GPC5: variants seen among roughly 807,000 people sequenced by gnomAD.
The protein encoded by GPC5 is glypican 5, also known as glypican-5.
In GPC5, 47 loss-of-function variants were observed where a neutral mutation model predicts 53.9. The observed-to-expected ratio is 0.87, with a 90% CI of 0.69 to 1.11. GPC5 has a LOEUF of 1.11. Among genes scored for constraint, GPC5 ranks in the 50% most tolerant of loss-of-function variants. The probability of loss-of-function intolerance (pLI) is 0.00; values close to 1 mark genes in which losing one functional copy is unlikely to be tolerated. For missense variants in GPC5, 748 were observed against 713.1 expected (o/e 1.05, Z -0.56); for synonymous variants, 286 against 263.3 (o/e 1.09, Z -0.84).
At chr13:92,642,829 C>CA (rs1885637706) in intron 7 of GPC5, among the ~76,000 whole-genome samples, 1 of 152,138 alleles carries the variant, frequency 6.6e-6, no homozygotes, top group African/African-American at 2.4e-5. Flanking sequence ...AGTAGAAATG[C>CA]AGTCTGCAAC....
At chr13:91,919,751 A>T (rs550994650) in intron 6 of GPC5, among the ~76,000 whole-genome samples, 11 of 152,276 alleles carry the variant, frequency 7.2e-5, no homozygotes, top group African/African-American at 2.6e-4. Context: ...TGTACCAGGA[A>T]GGCTCCTCAT....
intron 6 of GPC5, among the ~76,000 whole-genome samples, chr13:92,138,550 AT>A (rs2041804357): frequency 6.6e-6 from 1 of 151,662 alleles, no homozygotes; most frequent in East Asian, 1.9e-4. Context: ...ATAAAAAAAA[AT>A]AAAAATAAAA....
At position 92,074,020 on chromosome 13, in the gene GPC5, CT is replaced by C. The variant is rs554270133; in HGVS notation, c.1402-70803del. ...ATGTGTTTGCTTCCCCTTCTGTTCC[CT>C]TTTTTTCCTTTATTTATCGATTTGA... On this transcript the variant is annotated intron_variant, in intron 6 of 7. Transcript: ENST00000377067. 8.3e-4 allele frequency among the ~76,000 whole-genome samples: 126 copies of C among 152,238 alleles called. 1 individual carries two copies. In the Middle Eastern group the frequency reaches 0.031, roughly 37 times the overall value.
At chr13:91,964,086 A>T (rs909611284) in intron 6 of GPC5, among the ~76,000 whole-genome samples, 2 of 152,206 alleles carry the variant, frequency 1.3e-5, no homozygotes, top group African/African-American at 4.8e-5. Flanking sequence ...TGGTGTGTCC[A>T]GAGTTTTTTC....
At chr13:92,174,132 T>A (rs145425416) in intron 7 of GPC5, among the ~76,000 whole-genome samples, 91 of 151,922 alleles carry the variant, frequency 6.0e-4, no homozygotes, top group Non-Finnish European at 1.1e-3. Flanking sequence ...AAAGACATCT[T>A]TGGATATTCT....
At chr13:92,847,119 C>T (rs1878638304) in intron 7 of GPC5, among the ~76,000 whole-genome samples, 1 of 152,144 alleles carries the variant, frequency 6.6e-6, no homozygotes, top group African/African-American at 2.4e-5. Flanking sequence ...AATGATTTTT[C>T]CCCACCTAAG....
rs1157928166 is a variant in GPC5, at chr13:92,578,802, A to T, written c.1562-287480A>T. ...ATTCCTGAACCCAGTCAAGTTGACG[A>T]CTAAAATTAACCATCACAGATGGCG... On this transcript the variant is annotated intron_variant, in intron 7 of 7. Transcript: ENST00000377067. 2.6e-5 allele frequency among the ~76,000 whole-genome samples: 4 copies of T among 152,190 alleles called. No homozygotes were observed. The South Asian group carries it at 6.2e-4, about 24-fold the overall frequency.
chr13:92,576,837 C>T (rs1234288670), intron 7 of GPC5, among the ~76,000 whole-genome samples: 1 of 152,186 alleles, frequency 6.6e-6, no homozygotes, highest in African/African-American at 2.4e-5. Context: ...AACTTGAAAT[C>T]ATGTACCATC....
intron 6 of GPC5, among the ~76,000 whole-genome samples, chr13:91,939,848 A>T (rs2039908480): frequency 6.6e-6 from 1 of 152,152 alleles, no homozygotes. Flanking sequence ...GAGACAAGGA[A>T]GCCAGCAATG....
intron 7 of GPC5, among the ~76,000 whole-genome samples, chr13:92,608,310 T>G (rs1884321952): frequency 6.6e-6 from 1 of 152,200 alleles, no homozygotes; most frequent in South Asian, 2.1e-4. Context: ...TTCCAAGAGC[T>G]GTGAAGCTTT....
intron 2 of GPC5, among the ~76,000 whole-genome samples, chr13:91,459,981 G>A (rs1483956138): frequency 6.6e-6 from 1 of 152,090 alleles, no homozygotes; most frequent in African/African-American, 2.4e-5. Flanking sequence ...AACTTTGAAG[G>A]GGGAATATGT....
chr13:91,748,618 C>T (rs2037102074), intron 4 of GPC5, among the ~76,000 whole-genome samples: 1 of 152,094 alleles, frequency 6.6e-6, no homozygotes, highest in Non-Finnish European at 1.5e-5. Flanking sequence ...CTTTAGGAAG[C>T]ACATTCATTA....
chr13:91,925,824 G>T (rs1054302207), intron 6 of GPC5, among the ~76,000 whole-genome samples: 4 of 152,182 alleles, frequency 2.6e-5, no homozygotes, highest in Admixed American at 2.0e-4. Flanking sequence ...TAGTCTCAGA[G>T]AATTAGTCAC....
At chr13:92,493,606 T>C (rs1218950414) in intron 7 of GPC5, among the ~76,000 whole-genome samples, 1 of 152,212 alleles carries the variant, frequency 6.6e-6, no homozygotes, top group Non-Finnish European at 1.5e-5. Flanking sequence ...TCTCAAGGTC[T>C]GTCTTCAAGA....
At chr13:91,570,124 C>G (rs1437219665) in intron 2 of GPC5, among the ~76,000 whole-genome samples, 2 of 152,134 alleles carry the variant, frequency 1.3e-5, no homozygotes, top group African/African-American at 4.8e-5. Context: ...ATCTATTGAA[C>G]TATAAAAGTC....
intron 7 of GPC5, among the ~76,000 whole-genome samples, chr13:92,632,314 G>T (rs555325841): frequency 1.9e-4 from 29 of 151,518 alleles, no homozygotes; most frequent in African/African-American, 6.3e-4. Context: ...TTTGGCATTT[G>T]ATTTTCTAAT....
chr13:92,213,406 A>G (rs759968760), intron 7 of GPC5, among the ~76,000 whole-genome samples: 21 of 152,162 alleles, frequency 1.4e-4, no homozygotes, highest in Non-Finnish European at 2.8e-4. Flanking sequence ...AATGCCTTGT[A>G]ACAGAAAATT....
At chr13:92,697,366 T>C (rs1887587724) in intron 7 of GPC5, among the ~76,000 whole-genome samples, 2 of 150,228 alleles carry the variant, frequency 1.3e-5, no homozygotes, top group Non-Finnish European at 2.9e-5. Flanking sequence ...TGTCCTCTCT[T>C]ATTTCCTTGT....
chr13:92,487,853 A>AC (rs1879613440), intron 7 of GPC5, among the ~76,000 whole-genome samples: 1 of 137,328 alleles, frequency 7.3e-6, no homozygotes, highest in African/African-American at 3.0e-5. Context: ...AAAAAAAAAA[A>AC]AAAAAAAGAA....
Sources: allele counts gnomAD v4.1 joint callset (sites outside exome capture counted in the v4.1 genomes callset), GRCh38; gene constraint gnomAD v4.1.1; transcripts MANE v1.5; gene names NCBI Gene and HGNC (gene_info 2026-07-23, HGNC 2026-07-21).